The following OGFOD3 variants were observed in gnomAD, a reference collection of about 807,000 sequenced individuals.
OGFOD3 encodes the protein 2-oxoglutarate and iron dependent oxygenase domain containing 3.
In OGFOD3, 35 loss-of-function variants were observed where a neutral mutation model predicts 39.8. That is an observed-to-expected ratio of 0.88 (90% confidence interval 0.67 to 1.17). The LOEUF (loss-of-function observed/expected upper bound fraction) is 1.17. OGFOD3 is among the 50% of genes most tolerant of loss of function. The probability of loss-of-function intolerance (pLI) is 0.00; values close to 1 mark genes in which losing one functional copy is unlikely to be tolerated. For missense variants in OGFOD3, 438 were observed against 454.5 expected (o/e 0.96, Z 0.33); for synonymous variants, 200 against 192.0 (o/e 1.04, Z -0.34).
chr17:82,392,302 T>C lies in OGFOD3; in HGVS notation c.*96A>G. On this transcript the variant is annotated 3_prime_UTR_variant, in exon 9 of 9. Coordinates refer to ENST00000313056, the MANE Select transcript of OGFOD3 (RefSeq NM_024648.3). The surrounding 1 kb of genome is among the most constrained non-coding windows in gnomAD (Gnocchi z 4.2). Reference sequence around the variant, plus strand: ...AAATCAGAGAATTCCTAAGGCACTCTGTGCAACAGGAGCGGGTGGACGTGG... The same window carrying C: ...AAATCAGAGAATTCCTAAGGCACTCCGTGCAACAGGAGCGGGTGGACGTGG... 2.2e-6 allele frequency: 3 copies of C among 1,335,540 alleles called. No individual in the cohort carries two copies. In the Admixed American group the frequency reaches 7.2e-5, roughly 32 times the overall value. The allele number at this position is 1,335,540 out of a possible 1,614,324, so 82.7% of individuals were successfully genotyped here. A position where few individuals can be genotyped will look rare whatever the true frequency, so the allele number is the denominator to read the frequency against.
chr17:82,415,314 C>G lies in OGFOD3; in HGVS notation c.304+84G>C. 2 of 1,374,586 alleles carry G rather than the reference C, an allele frequency of 1.5e-6. No homozygotes were observed. The highest frequency in any genetic ancestry group is 2.0e-6 in the Non-Finnish European group (2 of 981,914). The allele number at this position is 1,374,586 out of a possible 1,614,324, so 85.1% of individuals were successfully genotyped here. On this transcript the variant is annotated intron_variant, in intron 2 of 8. Coordinates refer to ENST00000313056, the MANE Select transcript of OGFOD3 (RefSeq NM_024648.3). The surrounding 1 kb of genome is among the most constrained non-coding windows in gnomAD (Gnocchi z 5.3). Reference sequence around the variant, plus strand: ...CTGCTACCCCCAAGCATACCACATCCAACCCAATTCCCACCCCTTCGTCGC... The same window carrying G: ...CTGCTACCCCCAAGCATACCACATCGAACCCAATTCCCACCCCTTCGTCGC...
Position 82,418,397 on chromosome 17 carries a change from C to G in OGFOD3, c.74+15G>C, listed in dbSNP as rs772337827. 5.2e-5 allele frequency: 77 copies of G among 1,473,704 alleles called. No homozygotes were observed. In the East Asian group the frequency reaches 1.5e-3, roughly 29 times the overall value. The allele number at this position is 1,473,704 out of a possible 1,614,324, so 91.3% of individuals were successfully genotyped here. The stretch of plus-strand genomic sequence containing the variant: ...CCGCCGCCGCAGCGCGCGCCCTTCC[C>G]CTCCTCACCGCTACCTGCTCCGGTT... On this transcript the variant is annotated intron_variant, in intron 1 of 8. Transcript: ENST00000313056.
At chr17:82,417,877 G>C (rs2053094177) in intron 1 of OGFOD3, among the ~76,000 whole-genome samples, 1 of 152,184 alleles carries the variant, frequency 6.6e-6, no homozygotes, top group Admixed American at 6.6e-5. Context: ...AAGCAAGCGA[G>C]AAGCTGTATT....
rs182902993 is a variant in OGFOD3, at chr17:82,411,195, T to G, written c.380+260A>C. On this transcript the variant is annotated intron_variant, in intron 3 of 8. Transcript: ENST00000313056. ...CTGAGTAGCTGGGACTACAGGCACA[T>G]GCCACCACACCCAGCTAATTTATTG... 2.9e-3 allele frequency among the ~76,000 whole-genome samples: 433 copies of G among 151,204 alleles called. 2 individuals carry two copies. The highest frequency in any genetic ancestry group is 4.9e-3 in the Admixed American group (74 of 15,160).
chr17:82,394,306 T>C, intron 8 of OGFOD3: 2 of 1,509,502 alleles, frequency 1.3e-6, no homozygotes, highest in Middle Eastern at 3.6e-4. Context: ...GCACTTTCTT[T>C]AGTAAATGAC....
chr17:82,409,951 C>T (rs2052918142), intron 3 of OGFOD3, among the ~76,000 whole-genome samples: 2 of 152,226 alleles, frequency 1.3e-5, no homozygotes, highest in South Asian at 4.1e-4. Context: ...TGGGCTTAAT[C>T]TCTCATCTTC....
chr17:82,408,869 C>T (rs566040473), intron 4 of OGFOD3, among the ~76,000 whole-genome samples: 1 of 152,298 alleles, frequency 6.6e-6, no homozygotes, highest in East Asian at 1.9e-4. Flanking sequence ...TATCCGAGGC[C>T]ACTAGCTGAC....
rs2052806680 is a variant in OGFOD3 at position 82,403,850 on chromosome 17, C to T, written c.699+87G>A. The stretch of plus-strand genomic sequence containing the variant: ...CGCTCACCTTGTCCACGAGCGCGCT[C>T]ACCCTGCCCACGTGCGCACTCACCG... On this transcript the variant is annotated intron_variant, in intron 7 of 8. Transcript: ENST00000313056. The T allele has an allele frequency of 2.0e-6, 3 of 1,498,740 alleles. No homozygotes were observed. The South Asian group carries it at 3.7e-5, about 18-fold the overall frequency. 92.8% of individuals were successfully genotyped at this position (1,498,740 alleles called of 1,614,324 possible).
chr17:82,403,513 T>C (rs1187995669), intron 7 of OGFOD3, among the ~76,000 whole-genome samples: 2 of 152,088 alleles, frequency 1.3e-5, no homozygotes, highest in East Asian at 3.9e-4. Flanking sequence ...ATGCCTGTAG[T>C]CCCAGCTACT....
chr17:82,405,259 C>A, intron 6 of OGFOD3, 65 bp downstream of exon 6: 1 of 1,442,402 alleles, frequency 6.9e-7, no homozygotes, highest in Non-Finnish European at 9.7e-7. Context: ...CCGGCCAGCT[C>A]TGCCACACCC....
At chr17:82,396,517 A>T (rs2052676287) in intron 8 of OGFOD3, 1 of 152,304 alleles carries the variant, frequency 6.6e-6, no homozygotes, top group Admixed American at 6.5e-5. Flanking sequence ...ATCACAGGTA[A>T]ACACATAGAT....
intron 7 of OGFOD3, among the ~76,000 whole-genome samples, chr17:82,401,819 A>AAAAAAAAACAAAAC (rs2052770824): frequency 6.7e-6 from 1 of 149,970 alleles, no homozygotes; most frequent in African/African-American, 2.5e-5. Flanking sequence ...AAAAAAAAAA[A>AAAAAAAAACAAAAC]AAAACAAAGA....
Position 82,404,476 on chromosome 17 carries a change from G to A in OGFOD3, c.546-386C>T, listed in dbSNP as rs536515537. Among the ~76,000 whole-genome samples, 4 of 152,308 alleles carry A rather than the reference G, an allele frequency of 2.6e-5. No individual in the cohort carries two copies. The South Asian group carries it at 6.2e-4, about 24-fold the overall frequency. On this transcript the variant is annotated intron_variant, in intron 6 of 8. Coordinates refer to ENST00000313056, the MANE Select transcript of OGFOD3 (RefSeq NM_024648.3). The surrounding 1 kb of genome is among the most constrained non-coding windows in gnomAD (Gnocchi z 4.5). ...GCTGTCCCCCAACGTGAGTGTGCGG[G>A]GTGTGTGGACGTGGGGAGAGGGGAG...
chr17:82,402,001 T>C (rs1307330812), intron 7 of OGFOD3, among the ~76,000 whole-genome samples: 4 of 152,038 alleles, frequency 2.6e-5, no homozygotes, highest in South Asian at 4.1e-4. Flanking sequence ...GCTCCAGGGC[T>C]CACAGTGCCA....
rs1489368703 is a variant in OGFOD3, at chr17:82,392,124, A to G, written c.*274T>C. On this transcript the variant is annotated 3_prime_UTR_variant, in exon 9 of 9. Transcript: ENST00000313056. The surrounding 1 kb of genome is among the most constrained non-coding windows in gnomAD (Gnocchi z 4.2). ...GTGGATGAGTCCCGTCCATTCACAG[A>G]TGGGGACTTGTGCCCCGTCCTGCTG... is the stretch of plus-strand genomic sequence containing the variant. 1 of 507,254 alleles carries G rather than the reference A, an allele frequency of 2.0e-6. No homozygotes were observed. Among genetic ancestry groups the G allele is most frequent in the Non-Finnish European group, 3.5e-6 (1 of 284,792 alleles). 31.4% of individuals were successfully genotyped at this position (507,254 alleles called of 1,614,324 possible).
intron 7 of OGFOD3, chr17:82,400,611 G>A (rs755063167): frequency 1.3e-5 from 2 of 152,184 alleles, no homozygotes; most frequent in South Asian, 2.1e-4. Flanking sequence ...GTGGTTACCT[G>A]TAGGTGAGGG....
Position 82,405,248 on chromosome 17 carries a change from A to G in OGFOD3, c.545+76T>C. On this transcript the variant is annotated intron_variant, in intron 6 of 8. Transcript: ENST00000313056. ...GGGCCTCTCCGTGGGGCCTCCCCGG[A>G]CCGGCCAGCTCTGCCACACCCCTCA... 4 of 1,312,558 alleles carry G rather than the reference A, an allele frequency of 3.0e-6. No individual in the cohort carries two copies. The East Asian group carries it at 9.2e-5, about 30-fold the overall frequency. The allele number at this position is 1,312,558 out of a possible 1,614,324, so 81.3% of individuals were successfully genotyped here. A position where few individuals can be genotyped will look rare whatever the true frequency, so the allele number is the denominator to read the frequency against.
intron 1 of OGFOD3, 91 bp downstream of exon 1, chr17:82,418,315 CGGGTCG>C (rs2053119720): frequency 8.3e-6 from 2 of 241,382 alleles, no homozygotes; most frequent in African/African-American, 2.4e-5. Flanking sequence ...CCCCCCCACC[CGGGTCG>C]GGCCAGGCCC....
chr17:82,403,221 C>A lies in OGFOD3; in HGVS notation c.699+716G>T, dbSNP rs117335740. Among the ~76,000 whole-genome samples, 1,035 of 152,242 alleles carry A rather than the reference C, an allele frequency of 6.8e-3. 14 individuals carry two copies. The highest frequency in any genetic ancestry group is 0.053 in the South Asian group (256 of 4,818). On this transcript the variant is annotated intron_variant, in intron 7 of 8. Transcript: ENST00000313056. ...TAAATAACAATGGGGTAACCACAGG[C>A]CGTGTGGGCCGGGTTCTCCACTTCT...
Sources: allele counts gnomAD v4.1 joint callset (sites outside exome capture counted in the v4.1 genomes callset), GRCh38; gene constraint gnomAD v4.1.1; non-coding constraint Gnocchi (gnomAD v3.1); transcripts MANE v1.5; gene names NCBI Gene and HGNC (gene_info 2026-07-23, HGNC 2026-07-21).